The following EPHB1 variants were observed in gnomAD, a reference collection of about 807,000 sequenced individuals.
The protein encoded by EPHB1 is EPH receptor B1.
EPHB1 carries 30 observed loss-of-function variants against 94.4 expected under a neutral mutation model. The observed-to-expected ratio is 0.32, with a 90% CI of 0.24 to 0.43. The LOEUF (loss-of-function observed/expected upper bound fraction) is 0.43, where lower values mean the gene tolerates loss of function less well. Among genes scored for constraint, EPHB1 ranks in the 20% least tolerant of loss-of-function variants. The pLI, the probability that EPHB1 is intolerant of heterozygous loss-of-function variation, is 1.00. For synonymous variants in EPHB1, 522 were observed against 489.1 expected, an observed-to-expected ratio of 1.07 and a Z score of -0.89; for missense variants, 1,055 against 1,308.3, an observed-to-expected ratio of 0.81 and a Z score of 2.99.
At chr3:134,804,561 G>C (rs565795235) in intron 1 of EPHB1, among the ~76,000 whole-genome samples, 13 of 152,258 alleles carry the variant, frequency 8.5e-5, no homozygotes, top group East Asian at 7.7e-4. Flanking sequence ...GTGTGTGTGG[G>C]GGGGAGGAAT....
At position 135,190,650 on chromosome 3, in the gene EPHB1, TTG is replaced by T. The variant is rs1202062414; in HGVS notation, c.1883-1924_1883-1923del. Among the ~76,000 whole-genome samples, 4 of 152,330 alleles carry T rather than the reference TTG, an allele frequency of 2.6e-5. No individual in the cohort carries two copies. The East Asian group carries it at 7.7e-4, about 29-fold the overall frequency. On this transcript the variant is annotated intron_variant, in intron 10 of 15. Coordinates refer to ENST00000398015, the MANE Select transcript of EPHB1 (RefSeq NM_004441.5). The stretch of plus-strand genomic sequence containing the variant: ...TTTAATTACTAAATAAGTTAAGCTA[TTG>T]TAGTGTTTGTCTATAGAAGATGATG...
intron 3 of EPHB1, among the ~76,000 whole-genome samples, chr3:135,093,134 TTGAGAGAA>T (rs1938618520): frequency 6.6e-6 from 1 of 152,226 alleles, no homozygotes; most frequent in Non-Finnish European, 1.5e-5. Flanking sequence ...CAGATGTGTG[TTGAGAGAA>T]TGAGAGAATG....
chr3:135,241,191 C>T lies in EPHB1; in HGVS notation c.2390C>T (p.Ala797Val). The change falls in exon 13 of 16, where the codon GCC (alanine) becomes GTC (valine). Residue 797 changes from alanine (A) to valine (V), a missense_variant. Physicochemically the swap from Ala to Val is moderately conservative, Grantham distance 64. Transcript: ENST00000398015. The stretch of plus-strand genomic sequence containing the variant: ...AGATGGACAGCTCCAGAGGCCATCG[C>T]CTACCGCAAGTTCACTTCAGCCAGC... The part of the protein sequence containing the change: ...PVRWTAPEAI[A>V]YRKFTSASDV... 1 of 1,614,182 alleles carries T rather than the reference C, an allele frequency of 6.2e-7. No homozygotes were observed. Among genetic ancestry groups the T allele is most frequent in the Non-Finnish European group, 8.5e-7 (1 of 1,180,036 alleles).
intron 1 of EPHB1, among the ~76,000 whole-genome samples, chr3:134,810,533 G>T (rs1029139664): frequency 6.6e-6 from 1 of 152,112 alleles, no homozygotes; most frequent in African/African-American, 2.4e-5. Context: ...CCCACTTCAC[G>T]TTGTTATTAA....
chr3:134,961,091 C>G (rs1477792727), intron 3 of EPHB1, among the ~76,000 whole-genome samples: 1 of 152,170 alleles, frequency 6.6e-6, no homozygotes, highest in East Asian at 1.9e-4. Flanking sequence ...GGTCCCATGT[C>G]TTTTCTTTCT....
At chr3:134,882,755 TTC>T (rs2037764710) in intron 1 of EPHB1, among the ~76,000 whole-genome samples, 1 of 37,982 alleles carries the variant, frequency 2.6e-5, no homozygotes, top group African/African-American at 1.1e-4. Flanking sequence ...TCTTCCTTTC[TTC>T]CTTCCTTCCT....
intron 1 of EPHB1, among the ~76,000 whole-genome samples, chr3:134,893,150 G>A (rs763087622): frequency 6.6e-6 from 1 of 152,186 alleles, no homozygotes; most frequent in Non-Finnish European, 1.5e-5. Flanking sequence ...GGTGCTGATG[G>A]TCCCAGGGGG....
At chr3:134,943,465 G>A (rs529974522) in intron 2 of EPHB1, among the ~76,000 whole-genome samples, 10 of 152,346 alleles carry the variant, frequency 6.6e-5, no homozygotes, top group African/African-American at 2.4e-4. Flanking sequence ...CAGGCCAGAT[G>A]GGGGGATATG....
chr3:134,817,693 A>G (rs963443566), intron 1 of EPHB1, among the ~76,000 whole-genome samples: 1 of 152,162 alleles, frequency 6.6e-6, no homozygotes, highest in Non-Finnish European at 1.5e-5. Flanking sequence ...CTTCAGTAAG[A>G]GGTTGTTGAG....
At chr3:135,061,636 G>A (rs889109789) in intron 3 of EPHB1, among the ~76,000 whole-genome samples, 2 of 151,146 alleles carry the variant, frequency 1.3e-5, no homozygotes, top group African/African-American at 4.9e-5. Flanking sequence ...TAGGGTACAT[G>A]TGCACAACAT....
At chr3:135,042,214 A>G (rs868354627) in intron 3 of EPHB1, among the ~76,000 whole-genome samples, 27 of 152,260 alleles carry the variant, frequency 1.8e-4, no homozygotes, top group South Asian at 6.2e-4. Flanking sequence ...CTATGGTATG[A>G]GCCACCATAC....
At position 135,240,874 on chromosome 3, in the gene EPHB1, C is replaced by T. The variant is rs576523029; in HGVS notation, c.2347-274C>T. Among the ~76,000 whole-genome samples, 3 of 152,248 alleles carry T rather than the reference C, an allele frequency of 2.0e-5. No individual in the cohort carries two copies. In the South Asian group the frequency reaches 6.2e-4, roughly 32 times the overall value. The stretch of plus-strand genomic sequence containing the variant: ...ACACTCTCTCCTCCCACCCACCTCC[C>T]CTGCAGCAACATTGGAACCCACATA... On this transcript the variant is annotated intron_variant, in intron 12 of 15. Coordinates refer to ENST00000398015, the MANE Select transcript of EPHB1 (RefSeq NM_004441.5).
At position 134,821,036 on chromosome 3, in the gene EPHB1, A is replaced by G. The variant is rs1283487054; in HGVS notation, c.58+25347A>G. ...GTCCACATCAGAGGGCCTGAGAATC[A>G]TGAGTGCTAATGGTGTAGTTCTGTC... On this transcript the variant is annotated intron_variant, in intron 1 of 15. Transcript: ENST00000398015. Among the ~76,000 whole-genome samples the G allele has an allele frequency of 3.3e-5, 5 of 152,318 alleles. No homozygotes were observed. The East Asian group carries it at 9.6e-4, about 29-fold the overall frequency.
intron 5 of EPHB1, among the ~76,000 whole-genome samples, chr3:135,135,869 G>T (rs1026012531): frequency 6.6e-6 from 1 of 152,184 alleles, no homozygotes; most frequent in Non-Finnish European, 1.5e-5. Flanking sequence ...AGTGGGTCCT[G>T]ATTGAGAAAT....
intron 5 of EPHB1, among the ~76,000 whole-genome samples, chr3:135,143,599 A>G (rs956216281): frequency 1.3e-5 from 2 of 152,202 alleles, no homozygotes; most frequent in South Asian, 4.1e-4. Flanking sequence ...ATCATTAAAC[A>G]GACCAAAGCT....
At chr3:134,937,105 T>C (rs72971699) in intron 2 of EPHB1, among the ~76,000 whole-genome samples, 2 of 152,178 alleles carry the variant, frequency 1.3e-5, no homozygotes, top group Non-Finnish European at 2.9e-5. Flanking sequence ...AATTAGAGTG[T>C]GTCTATTGGG....
chr3:134,864,427 C>A (rs2037330303), intron 1 of EPHB1, among the ~76,000 whole-genome samples: 1 of 152,176 alleles, frequency 6.6e-6, no homozygotes, highest in Non-Finnish European at 1.5e-5. Flanking sequence ...TTTGCAAGCC[C>A]CTTCTGCTCT....
chr3:135,060,241 C>A (rs1937459120), intron 3 of EPHB1, among the ~76,000 whole-genome samples: 1 of 152,286 alleles, frequency 6.6e-6, no homozygotes, highest in Admixed American at 6.5e-5. Flanking sequence ...TATGGATTTG[C>A]CTACTCTGGA....
rs776997748 is a variant in EPHB1 at position 135,259,285 on chromosome 3, T to G, written c.*165T>G. The G allele has an allele frequency of 7.6e-6, 4 of 524,944 alleles. No homozygotes were observed. The highest frequency in any genetic ancestry group is 1.3e-5 in the Non-Finnish European group (4 of 297,288). The allele number at this position is 524,944 out of a possible 1,614,324, so 32.5% of individuals were successfully genotyped here. On this transcript the variant is annotated 3_prime_UTR_variant, in exon 16 of 16. Coordinates refer to ENST00000398015, the MANE Select transcript of EPHB1 (RefSeq NM_004441.5). Reference sequence around the variant, plus strand: ...ACCTGTTGCTAGCAGGCAATCTCCATTTCTCAGTGACAGAAGCATGTTTGA... The same window carrying G: ...ACCTGTTGCTAGCAGGCAATCTCCAGTTCTCAGTGACAGAAGCATGTTTGA...
Sources: allele counts gnomAD v4.1 joint callset (sites outside exome capture counted in the v4.1 genomes callset), GRCh38; gene constraint gnomAD v4.1.1; transcripts MANE v1.5; gene names NCBI Gene and HGNC (gene_info 2026-07-23, HGNC 2026-07-21).